The following STON1 variants were observed in gnomAD, a reference collection of about 807,000 sequenced individuals.
STON1 encodes the protein stonin-1.
STON1 carries 79 observed loss-of-function variants against 60.9 expected under a neutral mutation model. The observed-to-expected ratio is 1.30, with a 90% confidence interval of 1.08 to 1.56. The LOEUF is 1.56. Among genes scored for constraint, STON1 ranks in the 40% most tolerant of loss-of-function variants. The probability of loss-of-function intolerance (pLI) is 0.00; values close to 1 mark genes in which losing one functional copy is unlikely to be tolerated. For synonymous variants in STON1, 363 were observed against 306.9 expected, an observed-to-expected ratio of 1.18 and a Z score of -1.91; for missense variants, 1,166 against 858.9, an observed-to-expected ratio of 1.36 and a Z score of -4.47.
In STON1 at chr2:48,595,506, A is replaced by C. The variant is rs747656189; in HGVS notation, c.*204A>C. The C allele has an allele frequency of 6.5e-5, 34 of 521,320 alleles. No homozygotes were observed. The highest frequency in any genetic ancestry group is 1.1e-4 in the Non-Finnish European group (33 of 296,116). 32.3% of individuals were successfully genotyped at this position (521,320 alleles called of 1,614,324 possible). On this transcript the variant is annotated 3_prime_UTR_variant, in exon 4 of 4. Transcript: ENST00000404752. ...CATGTGTTTTTGTCCTAGGGGTTCG[A>C]TCTAAAATGTTTCTATAATTCGTGT...
intron 1 of STON1, among the ~76,000 whole-genome samples, chr2:48,552,295 G>A (rs1443341445): frequency 6.6e-6 from 1 of 152,206 alleles, no homozygotes; most frequent in Non-Finnish European, 1.5e-5. Context: ...ACTTAGAGTA[G>A]ACAAATTCAT....
intron 1 of STON1, among the ~76,000 whole-genome samples, chr2:48,539,677 T>C (rs1181347660): frequency 6.6e-6 from 1 of 152,070 alleles, no homozygotes; most frequent in East Asian, 1.9e-4. Flanking sequence ...AATTTTTGTA[T>C]TTTTAGTAGA....
At chr2:48,576,193 T>TTTC (rs1256961853) in intron 1 of STON1, among the ~76,000 whole-genome samples, 12 of 121,732 alleles carry the variant, frequency 9.9e-5, no homozygotes, top group Non-Finnish European at 1.7e-4. Context: ...TTCTTTTTTT[T>TTTC]TTTTTTTTTT....
At chr2:48,534,503 G>A (rs2103731345) in intron 1 of STON1, among the ~76,000 whole-genome samples, 1 of 152,264 alleles carries the variant, frequency 6.6e-6, no homozygotes, top group East Asian at 1.9e-4. Context: ...AAGTAGAAAA[G>A]GAAAGGGAAA....
Position 48,533,658 on chromosome 2 carries a change from G to A in STON1, c.-48+3442G>A, listed in dbSNP as rs754795802. 5.6e-3 allele frequency among the ~76,000 whole-genome samples: 413 copies of A among 73,892 alleles called. 2 individuals are homozygous for A. The highest frequency in any genetic ancestry group is 9.2e-3 in the Non-Finnish European group (341 of 37,190). The allele number at this position is 73,892 out of a possible 152,430, so 48.5% of individuals were successfully genotyped here. On this transcript the variant is annotated intron_variant, in intron 1 of 3. Transcript: ENST00000404752. ...GCCTGGGCAACAAGAGCAAAACTCC[G>A]TCTCAAAAAAAAAAAAAAAAAAAAG...
intron 1 of STON1, among the ~76,000 whole-genome samples, chr2:48,535,108 A>G (rs62135198): frequency 0.24 from 36,961 of 152,030 alleles, 4,921 homozygotes; most frequent in Admixed American, 0.34. Flanking sequence ...GGGTGTCATC[A>G]TTCTTTGCAG....
At chr2:48,589,363 C>T (rs1674389742) in intron 2 of STON1, among the ~76,000 whole-genome samples, 1 of 152,172 alleles carries the variant, frequency 6.6e-6, no homozygotes, top group African/African-American at 2.4e-5. Flanking sequence ...TGGACAGTTC[C>T]CCCTGGTGGT....
At position 48,581,882 on chromosome 2, in the gene STON1, T is replaced by G. The variant is rs774151450; in HGVS notation, c.1249T>G (p.Leu417Val). The G allele has an allele frequency of 6.2e-7, 1 of 1,614,050 alleles. No individual in the cohort carries two copies. Among genetic ancestry groups the G allele is most frequent in the Admixed American group, 1.7e-5 (1 of 60,008 alleles). ...GAACTACGAGGAGCAAGAAATTTCC[T>G]TGGAAATTGTGGACAACTTTTGGGG... ...KKNYEEQEIS[L>V]EIVDNFWGKV... Residue 417 changes from leucine (L) to valine (V), a missense_variant, in exon 2 of 4, where the codon TTG becomes GTG. Physicochemically the swap from Leu to Val is conservative, Grantham distance 32. Coordinates refer to ENST00000404752, the MANE Select transcript of STON1 (RefSeq NM_006873.4).
chr2:48,542,647 A>G (rs58489140), intron 1 of STON1, among the ~76,000 whole-genome samples: 2 of 152,286 alleles, frequency 1.3e-5, no homozygotes, highest in East Asian at 3.9e-4. Flanking sequence ...GCTCAAGCCT[A>G]TAATTCCAGC....
At chr2:48,551,680 G>C (rs1465555082) in intron 1 of STON1, among the ~76,000 whole-genome samples, 2 of 152,226 alleles carry the variant, frequency 1.3e-5, no homozygotes, top group Non-Finnish European at 2.9e-5. Context: ...ATTTTCCTTG[G>C]CATGGCTCTT....
intron 2 of STON1, among the ~76,000 whole-genome samples, chr2:48,590,523 A>G (rs543109557): frequency 6.6e-6 from 1 of 152,094 alleles, no homozygotes; most frequent in Non-Finnish European, 1.5e-5. Context: ...ACATTTATTT[A>G]AGTAAAGATA....
intron 2 of STON1, among the ~76,000 whole-genome samples, chr2:48,590,610 A>T (rs1674452388): frequency 1.8e-5 from 2 of 111,364 alleles, no homozygotes; most frequent in Admixed American, 9.9e-5. Flanking sequence ...CAGTGATTAC[A>T]ATGAAAATAT....
intron 2 of STON1, among the ~76,000 whole-genome samples, chr2:48,583,935 G>A (rs1300190980): frequency 6.6e-6 from 1 of 151,498 alleles, no homozygotes; most frequent in Non-Finnish European, 1.5e-5. Flanking sequence ...TATTTCAGTA[G>A]AGACAGGGTT....
At chr2:48,564,480 TTTCTTCTTCTTCTTCTTC>T (rs869188236) in intron 1 of STON1, among the ~76,000 whole-genome samples, 91 of 32,458 alleles carry the variant, frequency 2.8e-3, no homozygotes, top group East Asian at 5.0e-3. Context: ...CTTCTTCTTC[TTTCTTCTTCTTCTTCTTC>T]TTCTTCTTCT....
chr2:48,576,185 C>CTTTTTT lies in STON1; in HGVS notation c.-47-4382_-47-4377dup, dbSNP rs34849002. On this transcript the variant is annotated intron_variant, in intron 1 of 3. Transcript: ENST00000404752. ...TTGCCAAGATTTGTTGTTTTCCTTT[C>CTTTTTT]TTTTTTTTTTTTTTTTTTTTTTTTT... Among the ~76,000 whole-genome samples, 554 of 63,100 alleles carry CTTTTTT rather than the reference C, an allele frequency of 8.8e-3. 32 individuals are homozygous for CTTTTTT. The highest frequency in any genetic ancestry group is 0.023 in the Middle Eastern group (1 of 44). The allele number at this position is 63,100 out of a possible 152,430, so 41.4% of individuals were successfully genotyped here.
chr2:48,581,536 T>C lies in STON1; in HGVS notation c.903T>C (p.Val301=), dbSNP rs558877912. The change falls in exon 2 of 4, where the codon GTT becomes GTC. Residue 301 remains valine (V), a synonymous_variant. Transcript: ENST00000404752. ...SRQWGPIFLK[V]LPGGILQMYY... ...AATGGGGACCAATTTTTCTGAAAGT[T>C]TTGCCTGGAGGAATTTTGCAGATGT... 6.2e-7 allele frequency: 1 copy of C among 1,614,208 alleles called. No individual in the cohort carries two copies. Among genetic ancestry groups the C allele is most frequent in the Admixed American group, 1.7e-5 (1 of 60,028 alleles).
intron 2 of STON1, among the ~76,000 whole-genome samples, chr2:48,587,425 TG>T (rs1674273917): frequency 6.6e-6 from 1 of 152,206 alleles, no homozygotes; most frequent in Admixed American, 6.5e-5. Context: ...CCCAAGTAGC[TG>T]GGACTACAGG....
At chr2:48,538,266 GT>G (rs1671510918) in intron 1 of STON1, among the ~76,000 whole-genome samples, 1 of 151,862 alleles carries the variant, frequency 6.6e-6, no homozygotes, top group African/African-American at 2.4e-5. Context: ...TGGCATATAT[GT>G]TTTTCTTAAC....
chr2:48,564,733 C>CTTTTTTTT (rs776637856), intron 1 of STON1, among the ~76,000 whole-genome samples: 5 of 100,906 alleles, frequency 5.0e-5, no homozygotes, highest in Non-Finnish European at 8.0e-5. Flanking sequence ...TTCTTTCTTT[C>CTTTTTTTT]TTTTTTTTTT....
Sources: gnomAD v4.1 joint callset for allele counts (sites outside exome capture counted in the v4.1 genomes callset) on GRCh38, gnomAD v4.1.1 for gene constraint, MANE v1.5 for transcripts, NCBI Gene and HGNC (gene_info 2026-07-23, HGNC 2026-07-21) for gene names.